ATRNL1: variants seen among roughly 807,000 people sequenced by gnomAD.
The protein encoded by ATRNL1 is attractin-like protein 1.
Under a neutral mutation model 182.7 loss-of-function variants are expected in ATRNL1, and 95 were observed. The ratio of observed to expected loss-of-function variants is 0.52; its 90% CI spans 0.44 to 0.62. The LOEUF is 0.62. ATRNL1 is among the 20% of genes least tolerant of loss of function. The pLI is 0.00. For missense variants in ATRNL1, 1,471 were observed against 1,679.5 expected, an observed-to-expected ratio of 0.88 and a Z score of 2.17; for synonymous variants, 576 against 568.3, an observed-to-expected ratio of 1.01 and a Z score of -0.19.
intron 26 of ATRNL1, among the ~76,000 whole-genome samples, chr10:115,606,432 A>G (rs1555017627): frequency 6.6e-6 from 1 of 152,046 alleles, no homozygotes; most frequent in Non-Finnish European, 1.5e-5. Context: ...TTTTCAGGGT[A>G]TAACACAAGA....
chr10:115,680,813 A>AGTG (rs767134729), intron 26 of ATRNL1, among the ~76,000 whole-genome samples: 9 of 152,160 alleles, frequency 5.9e-5, no homozygotes, highest in Non-Finnish European at 1.2e-4. Context: ...ATAGAAAACA[A>AGTG]GTGGTATCCT....
intron 8 of ATRNL1, among the ~76,000 whole-genome samples, chr10:115,186,700 CGTT>C (rs1384330672): frequency 6.6e-6 from 1 of 151,762 alleles, no homozygotes; most frequent in Non-Finnish European, 1.5e-5. Flanking sequence ...TGGGAAGGGT[CGTT>C]GGTGGGGATG....
chr10:115,789,531 C>CG (rs1318004670), intron 27 of ATRNL1, among the ~76,000 whole-genome samples: 2 of 152,096 alleles, frequency 1.3e-5, no homozygotes, highest in African/African-American at 4.8e-5. Context: ...GGCTCAACTG[C>CG]GGGGGTTGTG....
chr10:115,689,037 T>A (rs1009734200), intron 26 of ATRNL1, among the ~76,000 whole-genome samples: 1 of 152,160 alleles, frequency 6.6e-6, no homozygotes, highest in African/African-American at 2.4e-5. Flanking sequence ...GCTGTCCCAA[T>A]ACCATTTATT....
At chr10:115,880,733 C>A (rs1264239737) in intron 28 of ATRNL1, among the ~76,000 whole-genome samples, 1 of 152,174 alleles carries the variant, frequency 6.6e-6, no homozygotes, top group East Asian at 1.9e-4. Flanking sequence ...TGTCATTTAC[C>A]TAATCAGTAT....
intron 24 of ATRNL1, among the ~76,000 whole-genome samples, chr10:115,508,912 A>T (rs999286392): frequency 2.0e-5 from 3 of 152,080 alleles, no homozygotes; most frequent in South Asian, 4.1e-4. Context: ...CTAAAAGAAG[A>T]TACCACCTAG....
At chr10:115,281,293 C>T in intron 13 of ATRNL1, 62 bp from the exon 14 acceptor site, 1 of 1,455,128 alleles carries the variant, frequency 6.9e-7, no homozygotes, top group Non-Finnish European at 9.3e-7. Context: ...TAAATATACA[C>T]TGAAGTTTAA....
At chr10:115,535,163 A>T (rs1472745827) in intron 25 of ATRNL1, among the ~76,000 whole-genome samples, 1 of 151,744 alleles carries the variant, frequency 6.6e-6, no homozygotes, top group African/African-American at 2.4e-5. Flanking sequence ...CTGCCTTGCT[A>T]GATTGGGGAA....
At chr10:115,118,271 T>G (rs1175926574) in intron 1 of ATRNL1, among the ~76,000 whole-genome samples, 1 of 152,194 alleles carries the variant, frequency 6.6e-6, no homozygotes, top group Non-Finnish European at 1.5e-5. Flanking sequence ...AAGAAATCTT[T>G]GCCCAGTCCA....
rs549813679 is a variant in ATRNL1, at chr10:115,220,944, T to C, written c.1532+5064T>C. Among the ~76,000 whole-genome samples, 3 of 152,276 alleles carry C rather than the reference T, an allele frequency of 2.0e-5. No individual in the cohort carries two copies. In the South Asian group the frequency reaches 6.2e-4, roughly 32 times the overall value. ...CAAGCAATTGATTTATTGTGGTCCC[T>C]GTGCACTCAAACCTCTCTGCTAACA... On this transcript the variant is annotated intron_variant, in intron 9 of 28. Coordinates refer to ENST00000355044, the MANE Select transcript of ATRNL1 (RefSeq NM_207303.4).
At chr10:115,356,690 C>T (rs1554942941) in intron 19 of ATRNL1, among the ~76,000 whole-genome samples, 1 of 151,906 alleles carries the variant, frequency 6.6e-6, no homozygotes, top group African/African-American at 2.4e-5. Flanking sequence ...CTCCCTTCCT[C>T]AGGATCTCTT....
Position 115,577,610 on chromosome 10 carries a change from TTGTGTGTGTGTGTG to T in ATRNL1, c.3795+28104_3795+28117del, listed in dbSNP as rs3981280. The stretch of plus-strand genomic sequence containing the variant: ...TACTGAATTTATTTGTTCTAACAGG[TTGTGTGTGTGTGTG>T]TGTGTGTGTGTGTGTGTGTGTGTGT... On this transcript the variant is annotated intron_variant, in intron 26 of 28. Coordinates refer to ENST00000355044, the MANE Select transcript of ATRNL1 (RefSeq NM_207303.4). Among the ~76,000 whole-genome samples the T allele has an allele frequency of 1.0e-3, 138 of 135,108 alleles. 1 individual carries two copies. Among genetic ancestry groups the T allele is most frequent in the African/African-American group, 3.2e-3 (118 of 36,984 alleles). The allele number at this position is 135,108 out of a possible 152,430, so 88.6% of individuals were successfully genotyped here.
intron 24 of ATRNL1, among the ~76,000 whole-genome samples, chr10:115,478,704 A>G (rs540033839): frequency 1.9e-4 from 29 of 151,696 alleles, no homozygotes; most frequent in Non-Finnish European, 3.2e-4. Context: ...GTATTAAAAT[A>G]TTAGAAATGT....
chr10:115,208,227 C>A (rs77721002), intron 8 of ATRNL1, among the ~76,000 whole-genome samples: 1,789 of 152,110 alleles, frequency 0.012, 33 homozygotes, highest in African/African-American at 0.04. Context: ...TTTTCTGCAA[C>A]ATTATTAAAC....
intron 18 of ATRNL1, among the ~76,000 whole-genome samples, chr10:115,323,444 C>A (rs1854698820): frequency 7.6e-6 from 1 of 130,956 alleles, no homozygotes; most frequent in South Asian, 2.9e-4. Context: ...CCTCCCCTTC[C>A]CTTCCCATTT....
At position 115,469,334 on chromosome 10, in the gene ATRNL1, G is replaced by A. The variant is rs782567057; in HGVS notation, c.3654+5G>A. On this transcript the variant is annotated splice_donor_5th_base_variant and intron_variant, in intron 24 of 28. Coordinates refer to ENST00000355044, the MANE Select transcript of ATRNL1 (RefSeq NM_207303.4). ...TCCTGGCCTATTAAAATACAGGTAA[G>A]TGTTAAGAGTATTTACTTCTAATGA... The A allele has an allele frequency of 2.7e-6, 4 of 1,501,566 alleles. No homozygotes were observed. The highest frequency in any genetic ancestry group is 2.9e-5 in the African/African-American group (2 of 68,352). The allele number at this position is 1,501,566 out of a possible 1,614,324, so 93.0% of individuals were successfully genotyped here. A position where few individuals can be genotyped will look rare whatever the true frequency, so the allele number is the denominator to read the frequency against.
rs1555125108 is a variant in ATRNL1 at position 115,944,767 on chromosome 10, A to G, written c.4128A>G (p.Gly1376=). ...GAAAACACCTTTCAACACGTCAAGG[A>G]ACTTGTGTCTGAGAAATGGAAACCG... ...RNRKHLSTRQ[G]TCV is the part of the protein sequence containing the mutation. Residue 1376 remains glycine, a synonymous_variant, in exon 29 of 29, where the codon GGA becomes GGG. Transcript: ENST00000355044. 6.2e-7 allele frequency: 1 copy of G among 1,613,200 alleles called. No homozygotes were observed. Among genetic ancestry groups the G allele is most frequent in the African/African-American group, 1.3e-5 (1 of 74,864 alleles).
intron 5 of ATRNL1, among the ~76,000 whole-genome samples, chr10:115,145,387 G>T (rs1438018889): frequency 6.6e-6 from 1 of 151,872 alleles, no homozygotes; most frequent in Admixed American, 6.6e-5. Context: ...AAACAAGAGG[G>T]CAATTTGTTT....
chr10:115,344,358 C>A (rs1554939170), intron 19 of ATRNL1, among the ~76,000 whole-genome samples: 1 of 152,166 alleles, frequency 6.6e-6, no homozygotes, highest in African/African-American at 2.4e-5. Flanking sequence ...GCAGTCCTTC[C>A]CACTCTTCCC....
Sources: allele counts gnomAD v4.1 joint callset (sites outside exome capture counted in the v4.1 genomes callset), GRCh38; gene constraint gnomAD v4.1.1; transcripts MANE v1.5; gene names NCBI Gene and HGNC (gene_info 2026-07-23, HGNC 2026-07-21).